The following INSL6 variants were observed in gnomAD, a reference collection of about 807,000 sequenced individuals.
The protein encoded by INSL6 is insulin like 6, also known as insulin-like peptide INSL6.
Under a neutral mutation model 9.4 loss-of-function variants are expected in INSL6, and 16 were observed. That is an observed-to-expected ratio of 1.70 (90% CI 1.15 to 2.59). The LOEUF is 2.59. INSL6 is among the 30% of genes most tolerant of loss of function. The pLI is 0.00. For synonymous variants in INSL6, 154 were observed against 96.9 expected (o/e 1.59, Z -3.46); for missense variants, 391 against 257.3 (o/e 1.52, Z -3.56).
the INSL6 span, among the ~76,000 whole-genome samples, chr9:5,084,806 A>G: frequency 6.6e-6 from 1 of 152,250 alleles, no homozygotes; most frequent in Non-Finnish European, 1.5e-5. Flanking sequence ...AGAATGACAG[A>G]TTCAGATGGT....
At chr9:5,045,664 T>C in the INSL6 span, among the ~76,000 whole-genome samples, 14,527 of 152,202 alleles carry the variant, frequency 0.095, 2,089 homozygotes, top group African/African-American at 0.32. Flanking sequence ...TGGAGTTATA[T>C]AGCATTTGTC....
intron 1 of INSL6, among the ~76,000 whole-genome samples, chr9:5,173,882 A>G (rs1301207245): frequency 6.6e-6 from 1 of 152,216 alleles, no homozygotes; most frequent in Non-Finnish European, 1.5e-5. Context: ...CCCATCCTCA[A>G]TCACAGCTGG....
intron 2 of INSL6, among the ~76,000 whole-genome samples, chr9:5,140,644 C>CG (rs755060272): frequency 6.6e-6 from 1 of 152,144 alleles, no homozygotes; most frequent in Non-Finnish European, 1.5e-5. Context: ...TAAAGTCCAA[C>CG]ATCCCAGACT....
At chr9:5,089,930 G>GTAC in the INSL6 span, 15 of 1,111,496 alleles carry the variant, frequency 1.3e-5, no homozygotes, top group Non-Finnish European at 1.4e-5. Context: ...TAATATAAAT[G>GTAC]TACAATGTCT....
the INSL6 span, among the ~76,000 whole-genome samples, chr9:5,067,818 A>G: frequency 6.6e-6 from 1 of 152,168 alleles, no homozygotes; most frequent in Non-Finnish European, 1.5e-5. Context: ...GTAATTATCT[A>G]GCATAGGCAA....
At chr9:5,163,063 C>T (rs1048515171), downstream of INSL6, among the ~76,000 whole-genome samples, 9 of 152,196 alleles carry the variant, frequency 5.9e-5, no homozygotes, top group Non-Finnish European at 1.2e-4. Context: ...AATAGTCATA[C>T]ATTAACTCCA....
chr9:5,147,093 C>G (rs1279481718), intron 2 of INSL6, among the ~76,000 whole-genome samples: 1 of 152,182 alleles, frequency 6.6e-6, no homozygotes, highest in Non-Finnish European at 1.5e-5. Context: ...TCATCTCTGG[C>G]CACATTCTGC....
At chr9:5,114,277 G>A in the INSL6 span, 1 of 544,628 alleles carries the variant, frequency 1.8e-6, no homozygotes, top group Non-Finnish European at 3.6e-6. Flanking sequence ...CTGGCACCCA[G>A]CAAGGAGAAC....
the INSL6 span, chr9:5,100,951 C>A: frequency 2.6e-5 from 4 of 152,286 alleles, no homozygotes; most frequent in African/African-American, 9.7e-5. Flanking sequence ...CAGTCTGCAG[C>A]TCCCAGCATG....
chr9:5,021,833 A>T, the INSL6 span: 1 of 600,348 alleles, frequency 1.7e-6, no homozygotes, highest in Non-Finnish European at 2.9e-6. Context: ...AGGTTTCACC[A>T]TGTTGCTGAG....
intron 2 of INSL6, among the ~76,000 whole-genome samples, chr9:5,151,708 C>G (rs1824716589): frequency 6.6e-6 from 1 of 151,722 alleles, no homozygotes. Context: ...AAAATTCAAC[C>G]CAATAGAATG....
At chr9:5,110,794 C>A in the INSL6 span, 1 of 411,028 alleles carries the variant, frequency 2.4e-6, no homozygotes, top group Admixed American at 3.3e-5. Flanking sequence ...CCGGGCCACG[C>A]GCGACGCCTG....
chr9:5,167,120 T>C (rs1419230952), intron 1 of INSL6, among the ~76,000 whole-genome samples: 5 of 152,038 alleles, frequency 3.3e-5, no homozygotes, highest in Admixed American at 6.5e-5. Flanking sequence ...AAAAGCACAG[T>C]GGAGCTAGGG....
At chr9:5,063,791 T>C in the INSL6 span, among the ~76,000 whole-genome samples, 1 of 152,262 alleles carries the variant, frequency 6.6e-6, no homozygotes, top group African/African-American at 2.4e-5. Context: ...TGTAAAAATA[T>C]AATACGTCTA....
In INSL6 at chr9:5,138,882, C is replaced by T. The variant is rs565815186; in HGVS notation, c.377-5290G>A. Among the ~76,000 whole-genome samples, 15 of 150,768 alleles carry T rather than the reference C, an allele frequency of 9.9e-5. No individual in the cohort carries two copies. In the South Asian group the frequency reaches 1.7e-3, roughly 17 times the overall value. Reference sequence around the variant, plus strand: ...AATACATCCCCAAGTACTCTTCTGTCGGGTTGTTTTTATATAGTCACAAAA... The same window carrying T: ...AATACATCCCCAAGTACTCTTCTGTTGGGTTGTTTTTATATAGTCACAAAA... On this transcript the variant is annotated intron_variant, in intron 2 of 3. Transcript: ENST00000649639.
chr9:5,099,203 C>T, the INSL6 span: 1 of 152,220 alleles, frequency 6.6e-6, no homozygotes. Flanking sequence ...ACTACCTTAA[C>T]CACTGGGCGA....
the INSL6 span, among the ~76,000 whole-genome samples, chr9:5,053,196 A>G: frequency 3.9e-5 from 6 of 151,916 alleles, no homozygotes; most frequent in African/African-American, 9.7e-5. Flanking sequence ...GTCTCATTCT[A>G]GTTTTGATGT....
At chr9:5,062,905 T>C in the INSL6 span, among the ~76,000 whole-genome samples, 1 of 152,178 alleles carries the variant, frequency 6.6e-6, no homozygotes, top group Non-Finnish European at 1.5e-5. Flanking sequence ...TGACTAGTTT[T>C]CTTTTTTTAT....
chr9:5,021,619 C>G, the INSL6 span, among the ~76,000 whole-genome samples: 1 of 152,014 alleles, frequency 6.6e-6, no homozygotes, highest in Non-Finnish European at 1.5e-5. Context: ...CCATTTGTAA[C>G]TTTATTTATT....
Sources: allele counts gnomAD v4.1 joint callset (sites outside exome capture counted in the v4.1 genomes callset), GRCh38; gene constraint gnomAD v4.1.1; transcripts MANE v1.5; gene names NCBI Gene and HGNC (gene_info 2026-07-23, HGNC 2026-07-21).